The following SGCZ variants were observed in gnomAD, a reference collection of about 807,000 sequenced individuals.
SGCZ encodes zeta-sarcoglycan.
SGCZ carries 40 observed loss-of-function variants against 41.3 expected under a neutral mutation model. The observed-to-expected ratio is 0.97, with a 90% CI of 0.75 to 1.26. The LOEUF (loss-of-function observed/expected upper bound fraction) is 1.26, where lower values mean the gene tolerates loss of function less well. Among genes scored for constraint, SGCZ ranks in the 50% most tolerant of loss-of-function variants. The probability of loss-of-function intolerance (pLI) is 0.00; values close to 1 mark genes in which losing one functional copy is unlikely to be tolerated. For missense variants in SGCZ, 552 were observed against 369.8 expected (o/e 1.49, Z -4.04); for synonymous variants, 206 against 137.5 (o/e 1.50, Z -3.49).
chr8:14,164,423 G>A (rs1297549155), intron 5 of SGCZ, among the ~76,000 whole-genome samples, 157 bp downstream of exon 5: 1 of 152,094 alleles, frequency 6.6e-6, no homozygotes, highest in East Asian at 1.9e-4. Flanking sequence ...ACCACAACCA[G>A]TGCCTTCCAT....
intron 1 of SGCZ, among the ~76,000 whole-genome samples, chr8:14,669,385 G>GTAAGTAAGTAAATAAATAAA (rs1465447907): frequency 2.0e-4 from 11 of 55,126 alleles, no homozygotes; most frequent in African/African-American, 1.6e-3. Flanking sequence ...AAGTAAGTAA[G>GTAAGTAAGTAAATAAATAAA]TAAATAAATA....
intron 2 of SGCZ, among the ~76,000 whole-genome samples, chr8:14,536,060 C>A (rs1803287492): frequency 6.6e-6 from 1 of 151,788 alleles, no homozygotes; most frequent in African/African-American, 2.4e-5. Flanking sequence ...TGGGGAAATA[C>A]ACTCATATTA....
At chr8:14,934,381 A>T (rs1180981329) in intron 1 of SGCZ, among the ~76,000 whole-genome samples, 1 of 151,940 alleles carries the variant, frequency 6.6e-6, no homozygotes, top group Non-Finnish European at 1.5e-5. Context: ...ATAAATAAGG[A>T]AAGGGAGATC....
At chr8:14,777,030 TTCTA>T (rs1256668361) in intron 1 of SGCZ, among the ~76,000 whole-genome samples, 1 of 152,204 alleles carries the variant, frequency 6.6e-6, no homozygotes, top group Non-Finnish European at 1.5e-5. Flanking sequence ...CCAGCATGTA[TTCTA>T]TCTGTGAGGA....
At chr8:14,765,960 T>C (rs2130373191) in intron 1 of SGCZ, among the ~76,000 whole-genome samples, 1 of 145,502 alleles carries the variant, frequency 6.9e-6, no homozygotes, top group Non-Finnish European at 1.5e-5. Flanking sequence ...CTCTTGCATA[T>C]GATAGTCTTT....
chr8:14,741,676 G>A (rs776950281), intron 1 of SGCZ, among the ~76,000 whole-genome samples: 7 of 151,926 alleles, frequency 4.6e-5, no homozygotes, highest in Non-Finnish European at 1.0e-4. Flanking sequence ...CACAATTAAT[G>A]CAAAAATATA....
At chr8:14,779,085 G>A (rs1053026260) in intron 1 of SGCZ, among the ~76,000 whole-genome samples, 4 of 152,150 alleles carry the variant, frequency 2.6e-5, no homozygotes, top group Non-Finnish European at 4.4e-5. Context: ...ATATTTTCAA[G>A]AGAACTGTAA....
intron 4 of SGCZ, among the ~76,000 whole-genome samples, chr8:14,234,565 T>G (rs1262949641): frequency 6.6e-6 from 1 of 152,074 alleles, no homozygotes; most frequent in African/African-American, 2.4e-5. Flanking sequence ...GAAGAGTAAC[T>G]GAAATTCTTT....
intron 1 of SGCZ, among the ~76,000 whole-genome samples, chr8:14,970,356 T>A (rs572945346): frequency 6.6e-5 from 10 of 152,266 alleles, no homozygotes; most frequent in African/African-American, 2.4e-4. Flanking sequence ...TTTTAAATAA[T>A]TTGCTCCTTG....
chr8:14,812,054 T>C (rs941886372), intron 1 of SGCZ, among the ~76,000 whole-genome samples: 7 of 151,988 alleles, frequency 4.6e-5, no homozygotes, highest in South Asian at 4.1e-4. Context: ...GCCAAGCTTA[T>C]AGTAAAGGAT....
intron 1 of SGCZ, among the ~76,000 whole-genome samples, chr8:14,947,078 AAAG>A (rs1218382620): frequency 2.0e-5 from 3 of 152,166 alleles, no homozygotes; most frequent in African/African-American, 7.2e-5. Flanking sequence ...ATCTGAAAAA[AAAG>A]AAAAGTAACC....
At position 14,861,932 on chromosome 8, in the gene SGCZ, G is replaced by A. The variant is rs552739385; in HGVS notation, c.40-307006C>T. On this transcript the variant is annotated intron_variant, in intron 1 of 7. Coordinates refer to ENST00000382080, the MANE Select transcript of SGCZ (RefSeq NM_139167.4). ...AATACTAACTGAAATGGATATTTTT[G>A]TTAATTTATACCAGTGAATCTTTGC... Among the ~76,000 whole-genome samples the A allele has an allele frequency of 3.3e-5, 5 of 151,922 alleles. 1 individual carries two copies. Among genetic ancestry groups the A allele is most frequent in the African/African-American group, 9.6e-5 (4 of 41,468 alleles).
chr8:14,502,078 G>C (rs953132099), intron 2 of SGCZ, among the ~76,000 whole-genome samples: 1 of 151,996 alleles, frequency 6.6e-6, no homozygotes, highest in Non-Finnish European at 1.5e-5. Context: ...TCTTTTGTTT[G>C]TCAGGTAGTT....
intron 2 of SGCZ, among the ~76,000 whole-genome samples, chr8:14,550,574 C>T (rs1293989693): frequency 1.2e-4 from 18 of 151,842 alleles, no homozygotes; most frequent in South Asian, 2.1e-4. Flanking sequence ...ATGCAGGATC[C>T]GCTGGGAATT....
rs1309133321 is a variant in SGCZ, at chr8:14,526,623, T to C, written c.234+28109A>G. On this transcript the variant is annotated intron_variant, in intron 2 of 7. Coordinates refer to ENST00000382080, the MANE Select transcript of SGCZ (RefSeq NM_139167.4). ...AATACATATCTATTTTTCATGTTAGTGCATTTCTTGATTTCTTATAATCTT... is the reference window on the plus strand; with the variant it reads ...AATACATATCTATTTTTCATGTTAGCGCATTTCTTGATTTCTTATAATCTT... Among the ~76,000 whole-genome samples the C allele has an allele frequency of 2.0e-5, 3 of 152,278 alleles. No individual in the cohort carries two copies. In the East Asian group the frequency reaches 5.8e-4, roughly 29 times the overall value.
intron 1 of SGCZ, among the ~76,000 whole-genome samples, chr8:15,097,781 CGTGTATATATATAT>C (rs1806407407): frequency 2.2e-5 from 2 of 91,790 alleles, no homozygotes; most frequent in African/African-American, 9.2e-5. Context: ...TATATATATA[CGTGTATATATATAT>C]ACGTGTATAT....
At chr8:15,147,146 T>C (rs1799056181) in intron 1 of SGCZ, among the ~76,000 whole-genome samples, 1 of 152,218 alleles carries the variant, frequency 6.6e-6, no homozygotes, top group Non-Finnish European at 1.5e-5. Flanking sequence ...ATATTAATAC[T>C]GCTGGTAGAA....
At chr8:14,255,150 A>G (rs1057348092) in intron 3 of SGCZ, among the ~76,000 whole-genome samples, 2 of 152,068 alleles carry the variant, frequency 1.3e-5, no homozygotes, top group Non-Finnish European at 2.9e-5. Context: ...ACAAGTCACT[A>G]CGCTTATCAG....
intron 1 of SGCZ, among the ~76,000 whole-genome samples, chr8:14,781,752 G>A (rs374244280): frequency 4.8e-4 from 73 of 152,094 alleles, no homozygotes; most frequent in African/African-American, 1.5e-3. Flanking sequence ...CCTAAATTAT[G>A]GAGCATCAAA....
Sources: gnomAD v4.1 joint callset for allele counts (sites outside exome capture counted in the v4.1 genomes callset) on GRCh38, gnomAD v4.1.1 for gene constraint, MANE v1.5 for transcripts, NCBI Gene and HGNC (gene_info 2026-07-23, HGNC 2026-07-21) for gene names.